Variants in NTNG2 observed in about 807,000 individuals in gnomAD.
The protein encoded by NTNG2 is netrin G2, also known as netrin-G2.
Under a neutral mutation model 47.6 loss-of-function variants are expected in NTNG2, and 15 were observed. The ratio of observed to expected loss-of-function variants is 0.32; its 90% CI spans 0.21 to 0.49. The LOEUF is 0.49. NTNG2 is among the 20% of genes least tolerant of loss of function. The probability of loss-of-function intolerance (pLI) is 0.99; values close to 1 mark genes in which losing one functional copy is unlikely to be tolerated. For synonymous variants in NTNG2, 307 were observed against 324.6 expected (o/e 0.95, Z 0.58); for missense variants, 578 against 764.6 (o/e 0.76, Z 2.88).
rs562771133 is a variant in NTNG2 at position 132,214,709 on chromosome 9, G to A, written c.858-12140G>A. On this transcript the variant is annotated intron_variant, in intron 3 of 7. Transcript: ENST00000393229. ...GGCCAGACAGCCACACGGGTGAGCC[G>A]GGTAGCAGGTGGGCCTGCCAGATGA... is the stretch of plus-strand genomic sequence containing the variant. Among the ~76,000 whole-genome samples, 5 of 152,286 alleles carry A rather than the reference G, an allele frequency of 3.3e-5. No individual in the cohort carries two copies. The South Asian group carries it at 8.3e-4, about 25-fold the overall frequency.
intron 3 of NTNG2, among the ~76,000 whole-genome samples, chr9:132,202,777 C>G (rs565209073): frequency 6.6e-6 from 1 of 152,174 alleles, no homozygotes; most frequent in Non-Finnish European, 1.5e-5. Flanking sequence ...CCCAGCCCCA[C>G]CACTGAGAGC....
chr9:132,167,062 T>TA lies in NTNG2; in HGVS notation c.213+18_213+19insA, dbSNP rs760332634. 4.3e-6 allele frequency: 7 copies of TA among 1,612,198 alleles called. No homozygotes were observed. The South Asian group carries it at 7.7e-5, about 18-fold the overall frequency. On this transcript the variant is annotated intron_variant, in intron 2 of 7. Transcript: ENST00000393229. ...GCTCCCATGTAAGTCCACTTACTGC[T>TA]CTTTTGTTTGCCCAGGCCAAGTGGG...
In NTNG2 at chr9:132,197,666, G is replaced by A. The variant is rs2130722149; in HGVS notation, c.214-300G>A. ...ACAGAGTCAGGACTCTGTATTCCAG[G>A]CAACGGGGAGCCATGGAGGGCTTCA... On this transcript the variant is annotated intron_variant, in intron 2 of 7. Transcript: ENST00000393229. This position sits in a 1 kb window ranked among gnomAD's most constrained non-coding sequence, Gnocchi z 4.3. 6.6e-6 allele frequency among the ~76,000 whole-genome samples: 1 copy of A among 152,272 alleles called. No homozygotes were observed.
chr9:132,243,607 A>T lies in NTNG2; in HGVS notation c.*1496A>T, dbSNP rs571173420. 1.3e-5 allele frequency: 2 copies of T among 152,494 alleles called. No homozygotes were observed. The highest frequency in any genetic ancestry group is 3.9e-4 in the East Asian group (2 of 5,184). 9.4% of individuals were successfully genotyped at this position (152,494 alleles called of 1,614,324 possible). A position where few individuals can be genotyped will look rare whatever the true frequency, so the allele number is the denominator to read the frequency against. ...TGCCGGGGGTCCGGTCCTGGTTGCT[A>T]ACTGCTGCCACTGCTCCACCTGCAG... On this transcript the variant is annotated 3_prime_UTR_variant, in exon 8 of 8. Coordinates refer to ENST00000393229, the MANE Select transcript of NTNG2 (RefSeq NM_032536.4).
intron 2 of NTNG2, among the ~76,000 whole-genome samples, chr9:132,190,880 C>G (rs1837829227): frequency 6.6e-6 from 1 of 152,196 alleles, no homozygotes; most frequent in Non-Finnish European, 1.5e-5. Flanking sequence ...TTCCCTCTGC[C>G]CACCCTCCTT....
Position 132,240,891 on chromosome 9 carries a change from C to A in NTNG2, c.1223-19C>A. The A allele has an allele frequency of 1.2e-6, 2 of 1,612,708 alleles. No homozygotes were observed. The highest frequency in any genetic ancestry group is 1.7e-6 in the Non-Finnish European group (2 of 1,179,792). On this transcript the variant is annotated intron_variant, in intron 6 of 7. Transcript: ENST00000393229. ...CCACACGTAGCCCTGACCGCGCGCC[C>A]GTGCCCGTGTCCGTCCAGAGTGTAA...
Position 132,215,060 on chromosome 9 carries a change from A to T in NTNG2, c.858-11789A>T, listed in dbSNP as rs1387759034. On this transcript the variant is annotated intron_variant, in intron 3 of 7. Transcript: ENST00000393229. This position sits in a 1 kb window ranked among gnomAD's most constrained non-coding sequence, Gnocchi z 4.2. ...CCCTGATAAATTTTGTGTTTTTTTT[A>T]ATTTTTTTGTAGAGATTGGGGGGGG... Among the ~76,000 whole-genome samples the T allele has an allele frequency of 1.5e-4, 17 of 110,902 alleles. No individual in the cohort carries two copies. Among genetic ancestry groups the T allele is most frequent in the African/African-American group, 6.7e-4 (17 of 25,532 alleles). The allele number at this position is 110,902 out of a possible 152,430, so 72.8% of individuals were successfully genotyped here. A position where few individuals can be genotyped will look rare whatever the true frequency, so the allele number is the denominator to read the frequency against.
chr9:132,193,678 T>C (rs1299253083), intron 2 of NTNG2, among the ~76,000 whole-genome samples: 2 of 152,184 alleles, frequency 1.3e-5, no homozygotes, highest in African/African-American at 4.8e-5. Context: ...AATTCGTCTC[T>C]ACCCCTCTGA....
At position 132,162,072 on chromosome 9, in the gene NTNG2, GGCGGCGGCGGCCACAGCGGCGGGA is replaced by G. The variant is rs910968590; in HGVS notation, c.-644_-621del. ...TCCCTGGCCCCGATCTGACGGCGGC[GGCGGCGGCGGCCACAGCGGCGGGA>G]GCGGCGCGGGGAAGGAGCAGCGGCT... is the stretch of plus-strand genomic sequence containing the variant. On this transcript the variant is annotated 5_prime_UTR_variant, in exon 1 of 8. Coordinates refer to ENST00000393229, the MANE Select transcript of NTNG2 (RefSeq NM_032536.4). The surrounding 1 kb of genome is among the most constrained non-coding windows in gnomAD (Gnocchi z 4.6). The G allele has an allele frequency of 2.0e-5, 3 of 151,428 alleles. No individual in the cohort carries two copies. In the Admixed American group the frequency reaches 2.0e-4, roughly 10 times the overall value. 9.4% of individuals were successfully genotyped at this position (151,428 alleles called of 1,614,324 possible).
chr9:132,229,421 C>T (rs951674239), intron 4 of NTNG2, among the ~76,000 whole-genome samples: 1 of 152,162 alleles, frequency 6.6e-6, no homozygotes, highest in Non-Finnish European at 1.5e-5. Flanking sequence ...CTCCCAATGC[C>T]ATCCTCAGCC....
intron 3 of NTNG2, among the ~76,000 whole-genome samples, chr9:132,202,313 C>T (rs1254360365): frequency 6.6e-6 from 1 of 152,116 alleles, no homozygotes; most frequent in Non-Finnish European, 1.5e-5. Flanking sequence ...GCTGCAGCAG[C>T]TGCAGCCAGC....
In NTNG2 at chr9:132,226,867, C is replaced by A; in HGVS notation, c.876C>A (p.His292Gln). 6.2e-7 allele frequency: 1 copy of A among 1,604,896 alleles called. No individual in the cohort carries two copies. The highest frequency in any genetic ancestry group is 8.5e-7 in the Non-Finnish European group (1 of 1,175,752). ...EVIGRCKCNLHANLCSMREGS... is the reference protein window; with the variant it reads ...EVIGRCKCNLQANLCSMREGS... ...TCCCCAGGTGCAAGTGCAACCTGCA[C>A]GCCAACCTGTGCTCCATGCGCGAGG... The change falls in exon 4 of 8, where the codon CAC (histidine) becomes CAA (glutamine). Residue 292 changes from histidine (H) to glutamine (Q), a missense_variant. His to Gln is a conservative substitution (Grantham distance 24). Transcript: ENST00000393229. The surrounding 1 kb of genome is among the most constrained non-coding windows in gnomAD (Gnocchi z 4.8).
chr9:132,188,897 A>C (rs1185482493), intron 2 of NTNG2, among the ~76,000 whole-genome samples: 2 of 152,108 alleles, frequency 1.3e-5, no homozygotes, highest in Admixed American at 1.3e-4. Flanking sequence ...CGCTGCCCGC[A>C]TGAAGCCTCC....
At position 132,205,608 on chromosome 9, in the gene NTNG2, C is replaced by T. The variant is rs543693803; in HGVS notation, c.857+6999C>T. 4.6e-5 allele frequency among the ~76,000 whole-genome samples: 7 copies of T among 152,228 alleles called. No homozygotes were observed. The South Asian group carries it at 1.2e-3, about 27-fold the overall frequency. On this transcript the variant is annotated intron_variant, in intron 3 of 7. Transcript: ENST00000393229. Reference sequence around the variant, plus strand: ...TTAACAATGGTAAGGTGGCTGGGCGCGGTGGCTCATGCCTGTAATCTCAGC... The same window carrying T: ...TTAACAATGGTAAGGTGGCTGGGCGTGGTGGCTCATGCCTGTAATCTCAGC...
chr9:132,172,299 T>C (rs1589367358), intron 2 of NTNG2, among the ~76,000 whole-genome samples: 1 of 152,316 alleles, frequency 6.6e-6, no homozygotes, highest in East Asian at 1.9e-4. Context: ...GAGGCCCTCA[T>C]TTGGTCATCA....
rs1301510526 is a variant in NTNG2 at position 132,163,330 on chromosome 9, C to G, written c.-484+1091C>G. Among the ~76,000 whole-genome samples the G allele has an allele frequency of 6.6e-6, 1 of 151,568 alleles. No homozygotes were observed. The highest frequency in any genetic ancestry group is 6.6e-5 in the Admixed American group (1 of 15,260). ...GGACCCACCCGGGAGCTGCTGCTCG[C>G]GCCCCGCCTCCCGCGCCCAACTTTC... is the stretch of plus-strand genomic sequence containing the variant. On this transcript the variant is annotated intron_variant, in intron 1 of 7. Transcript: ENST00000393229. This position sits in a 1 kb window ranked among gnomAD's most constrained non-coding sequence, Gnocchi z 7.2.
intron 3 of NTNG2, among the ~76,000 whole-genome samples, chr9:132,216,442 G>C (rs1306583449): frequency 1.2e-4 from 18 of 148,614 alleles, no homozygotes; most frequent in East Asian, 4.0e-4. Flanking sequence ...GTGTGTGTGT[G>C]TGTGTGTGTG....
chr9:132,198,441 T>C lies in NTNG2; in HGVS notation c.689T>C (p.Met230Thr), dbSNP rs1589442539. 4 of 1,613,054 alleles carry C rather than the reference T, an allele frequency of 2.5e-6. No individual in the cohort carries two copies. The highest frequency in any genetic ancestry group is 2.5e-6 in the Non-Finnish European group (3 of 1,179,960). Reference protein sequence around the residue: ...AIFAGPDLRNMDNLYTRLESA... With the variant: ...AIFAGPDLRNTDNLYTRLESA... The stretch of plus-strand genomic sequence containing the variant: ...TTTGCCGGCCCCGACCTGCGCAACA[T>C]GGACAACCTCTACACGCGGCTGGAG... Residue 230 changes from methionine (M) to threonine (T), a missense_variant, in exon 3 of 8, where the codon ATG becomes ACG. By Grantham distance (81) the Met-to-Thr change is moderately conservative (BLOSUM62 -1). Transcript: ENST00000393229.
chr9:132,207,187 T>C (rs1401336921), intron 3 of NTNG2, among the ~76,000 whole-genome samples: 1 of 152,268 alleles, frequency 6.6e-6, no homozygotes, highest in Non-Finnish European at 1.5e-5. Flanking sequence ...ACAGATGTTT[T>C]TTCTCAGACC....
Sources: gnomAD v4.1 joint callset for allele counts (sites outside exome capture counted in the v4.1 genomes callset) on GRCh38, gnomAD v4.1.1 for gene constraint, Gnocchi (gnomAD v3.1) non-coding constraint, MANE v1.5 for transcripts, NCBI Gene and HGNC (gene_info 2026-07-23, HGNC 2026-07-21) for gene names.